Variants in EBPL observed in about 807,000 individuals in gnomAD.
EBPL encodes the protein EBP like.
Under a neutral mutation model 19.0 loss-of-function variants are expected in EBPL, and 20 were observed. The ratio of observed to expected loss-of-function variants is 1.05; its 90% CI spans 0.74 to 1.53. The LOEUF is 1.53. EBPL is among the 40% of genes most tolerant of loss of function. The probability of loss-of-function intolerance (pLI) is 0.00; values close to 1 mark genes in which losing one functional copy is unlikely to be tolerated. For missense variants in EBPL, 219 were observed against 261.1 expected, an observed-to-expected ratio of 0.84 and a Z score of 1.11; for synonymous variants, 107 against 117.0, an observed-to-expected ratio of 0.91 and a Z score of 0.55.
At position 49,680,852 on chromosome 13, in the gene EBPL, A is replaced by C. The variant is rs113201006; in HGVS notation, c.171+10402T>G. On this transcript the variant is annotated intron_variant, in intron 1 of 3. Transcript: ENST00000242827. ...CAAAACAAAATACAAAACAAACAAA[A>C]AAAATATATGTGATACATGTTAAAG... Among the ~76,000 whole-genome samples the C allele has an allele frequency of 1.6e-4, 25 of 152,150 alleles. 1 individual carries two copies. The highest frequency in any genetic ancestry group is 4.3e-4 in the African/African-American group (18 of 41,520).
At chr13:49,662,970 T>C (rs752437482) in intron 3 of EBPL, 87 bp downstream of exon 3, 58 of 1,515,412 alleles carry the variant, frequency 3.8e-5, no homozygotes, top group Non-Finnish European at 5.2e-5. Context: ...CAAATATATG[T>C]GGTCACAACC....
At chr13:49,674,774 TAGG>T (rs1243239312) in intron 1 of EBPL, among the ~76,000 whole-genome samples, 2 of 151,886 alleles carry the variant, frequency 1.3e-5, no homozygotes, top group African/African-American at 4.8e-5. Context: ...GGCTGAGAGG[TAGG>T]AGGACAGGGA....
chr13:49,673,529 C>T (rs1737893916), intron 1 of EBPL, among the ~76,000 whole-genome samples: 1 of 152,094 alleles, frequency 6.6e-6, no homozygotes, highest in Non-Finnish European at 1.5e-5. Flanking sequence ...CCTCCACCTC[C>T]CATGTTAAGG....
chr13:49,678,549 C>G (rs1372769724), intron 1 of EBPL, among the ~76,000 whole-genome samples: 1 of 152,194 alleles, frequency 6.6e-6, no homozygotes, highest in Non-Finnish European at 1.5e-5. Flanking sequence ...AGCTGCTGGC[C>G]CGGGTGCTAA....
chr13:49,677,476 C>T (rs1204731556), intron 1 of EBPL, among the ~76,000 whole-genome samples: 1 of 152,200 alleles, frequency 6.6e-6, no homozygotes, highest in East Asian at 1.9e-4. Flanking sequence ...AAATATAAAT[C>T]AGCAAACACA....
At chr13:49,688,495 A>G (rs60106669) in intron 1 of EBPL, among the ~76,000 whole-genome samples, 18,226 of 152,024 alleles carry the variant, frequency 0.12, 2,192 homozygotes, top group East Asian at 0.58. Context: ...CGAGGCAGGT[A>G]GATCACGAGG....
At chr13:49,661,265 G>C (rs762821460) in intron 3 of EBPL, 57 bp from the exon 4 acceptor site, 6 of 1,380,668 alleles carry the variant, frequency 4.3e-6, no homozygotes, top group Non-Finnish European at 6.1e-6. Flanking sequence ...TTTGGCATCA[G>C]AGTCATGACA....
At chr13:49,680,288 C>A (rs910587239) in intron 1 of EBPL, among the ~76,000 whole-genome samples, 4 of 152,110 alleles carry the variant, frequency 2.6e-5, no homozygotes, top group African/African-American at 9.7e-5. Flanking sequence ...GGCACCTGTC[C>A]CTGAAGAAGA....
At chr13:49,686,395 C>CTTAT in intron 1 of EBPL, 1 of 1,225,062 alleles carries the variant, frequency 8.2e-7, no homozygotes, top group Non-Finnish European at 1.0e-6. Flanking sequence ...TCTACCTGGC[C>CTTAT]TATAAGCCTT....
intron 2 of EBPL, 51 bp downstream of exon 2, chr13:49,669,726 T>G: frequency 1.3e-6 from 2 of 1,516,296 alleles, no homozygotes; most frequent in Non-Finnish European, 1.8e-6. Context: ...CAGTCACACT[T>G]GCAATAAACC....
chr13:49,679,693 CG>C (rs1176719221), intron 1 of EBPL, among the ~76,000 whole-genome samples: 12 of 151,936 alleles, frequency 7.9e-5, no homozygotes, highest in Middle Eastern at 3.4e-3. Context: ...ATTGTAGAGA[CG>C]GGGTCTCGTT....
At chr13:49,684,852 A>G (rs1244791451) in intron 1 of EBPL, among the ~76,000 whole-genome samples, 2 of 152,242 alleles carry the variant, frequency 1.3e-5, no homozygotes, top group Non-Finnish European at 2.9e-5. Flanking sequence ...AAACTAATCT[A>G]TAAAGTTAAG....
chr13:49,673,909 T>A (rs1790113871), intron 1 of EBPL, among the ~76,000 whole-genome samples: 1 of 151,656 alleles, frequency 6.6e-6, no homozygotes, highest in Admixed American at 6.6e-5. Flanking sequence ...ATACCTGGGC[T>A]GTTGTGGTTG....
At position 49,691,476 on chromosome 13, in the gene EBPL, G is replaced by C. The variant is rs749456215; in HGVS notation, c.-52C>G. The C allele has an allele frequency of 1.6e-6, 2 of 1,278,730 alleles. No individual in the cohort carries two copies. Among genetic ancestry groups the C allele is most frequent in the African/African-American group, 1.5e-5 (1 of 65,642 alleles). The allele number at this position is 1,278,730 out of a possible 1,614,324, so 79.2% of individuals were successfully genotyped here. On this transcript the variant is annotated 5_prime_UTR_variant, in exon 1 of 4. Transcript: ENST00000242827. Reference sequence around the variant, plus strand: ...CAGGACCATGCGGCAGAGGAAAGCAGGGAGAGAAACGACGGGGCGGGGCTG... The same window carrying C: ...CAGGACCATGCGGCAGAGGAAAGCACGGAGAGAAACGACGGGGCGGGGCTG...
At chr13:49,663,000 G>A in intron 3 of EBPL, 57 bp downstream of exon 3, 1 of 1,603,934 alleles carries the variant, frequency 6.2e-7, no homozygotes. Context: ...GGTCACCTAA[G>A]TGTTGGGACA....
chr13:49,691,468 G>A lies in EBPL; in HGVS notation c.-44C>T, dbSNP rs534020810. 7 of 1,287,816 alleles carry A rather than the reference G, an allele frequency of 5.4e-6. No individual in the cohort carries two copies. The highest frequency in any genetic ancestry group is 2.9e-5 in the East Asian group (1 of 34,730). 79.8% of individuals were successfully genotyped at this position (1,287,816 alleles called of 1,614,324 possible). A position where few individuals can be genotyped will look rare whatever the true frequency, so the allele number is the denominator to read the frequency against. On this transcript the variant is annotated 5_prime_UTR_variant, in exon 1 of 4. Coordinates refer to ENST00000242827, the MANE Select transcript of EBPL (RefSeq NM_032565.5). ...CAACGGCCCAGGACCATGCGGCAGAGGAAAGCAGGGAGAGAAACGACGGGG... is the reference window on the plus strand; with the variant it reads ...CAACGGCCCAGGACCATGCGGCAGAAGAAAGCAGGGAGAGAAACGACGGGG...
intron 1 of EBPL, among the ~76,000 whole-genome samples, chr13:49,674,639 G>A (rs1267513245): frequency 6.6e-6 from 1 of 150,468 alleles, no homozygotes; most frequent in African/African-American, 2.4e-5. Context: ...TTTAGAATAG[G>A]CCAGGCTCTG....
chr13:49,687,227 C>T (rs956454945), intron 1 of EBPL, among the ~76,000 whole-genome samples: 1 of 152,158 alleles, frequency 6.6e-6, no homozygotes, highest in Non-Finnish European at 1.5e-5. Context: ...TCATGTCCAC[C>T]CCCAATCTAC....
At chr13:49,686,167 G>A (rs969862776) in intron 1 of EBPL, among the ~76,000 whole-genome samples, 12 of 152,196 alleles carry the variant, frequency 7.9e-5, no homozygotes, top group Non-Finnish European at 1.6e-4. Context: ...TTAGGAAACA[G>A]GTCAACCTCC....
Sources: allele counts gnomAD v4.1 joint callset (sites outside exome capture counted in the v4.1 genomes callset), GRCh38; gene constraint gnomAD v4.1.1; transcripts MANE v1.5; gene names NCBI Gene and HGNC (gene_info 2026-07-23, HGNC 2026-07-21).